Variants in HMGCLL1 observed in about 807,000 individuals in gnomAD.
HMGCLL1 encodes 3-hydroxy-3-methylglutaryl-CoA lyase like 1.
HMGCLL1 carries 36 observed loss-of-function variants against 39.1 expected under a neutral mutation model. The observed-to-expected ratio is 0.92, with a 90% CI of 0.71 to 1.22. The LOEUF (loss-of-function observed/expected upper bound fraction) is 1.22, where lower values mean the gene tolerates loss of function less well. Ranked by LOEUF, HMGCLL1 falls within the 50% of genes most tolerant of loss-of-function variation. The pLI, the probability that HMGCLL1 is intolerant of heterozygous loss-of-function variation, is 0.00. For missense variants in HMGCLL1, 451 were observed against 416.5 expected, an observed-to-expected ratio of 1.08 and a Z score of -0.72; for synonymous variants, 149 against 144.0, an observed-to-expected ratio of 1.03 and a Z score of -0.25.
chr6:55,487,293 T>C (rs546231808), intron 7 of HMGCLL1, among the ~76,000 whole-genome samples: 1 of 152,142 alleles, frequency 6.6e-6, no homozygotes, highest in South Asian at 2.1e-4. Flanking sequence ...TTTGTTGATC[T>C]TGTTTGTTTG....
chr6:55,618,461 TATGA>T, the HMGCLL1 span, among the ~76,000 whole-genome samples: 1 of 152,044 alleles, frequency 6.6e-6, no homozygotes, highest in Non-Finnish European at 1.5e-5. Flanking sequence ...TGTATTTGGA[TATGA>T]ATAATAAACA....
the HMGCLL1 span, among the ~76,000 whole-genome samples, chr6:55,608,354 A>G: frequency 6.6e-6 from 1 of 152,236 alleles, no homozygotes; most frequent in African/African-American, 2.4e-5. Flanking sequence ...TGAATAAGTC[A>G]GTGACTCCAG....
intron 3 of HMGCLL1, among the ~76,000 whole-genome samples, chr6:55,540,820 G>T (rs966432908): frequency 1.3e-5 from 2 of 152,106 alleles, no homozygotes; most frequent in Non-Finnish European, 2.9e-5. Flanking sequence ...GGCAGCACTA[G>T]AAATGCAAAT....
chr6:55,569,642 A>G (rs1581961432), intron 1 of HMGCLL1, among the ~76,000 whole-genome samples: 1 of 152,364 alleles, frequency 6.6e-6, no homozygotes, highest in East Asian at 1.9e-4. Context: ...GGATGTAAAC[A>G]GGGAGTGCCG....
chr6:55,599,098 C>T, the HMGCLL1 span, among the ~76,000 whole-genome samples: 1 of 152,042 alleles, frequency 6.6e-6, no homozygotes, highest in African/African-American at 2.4e-5. Flanking sequence ...AAACATCACA[C>T]ACCAGGGCCT....
intron 1 of HMGCLL1, among the ~76,000 whole-genome samples, chr6:55,553,188 C>CAT (rs1305653498): frequency 3.1e-5 from 4 of 130,334 alleles, no homozygotes; most frequent in Admixed American, 3.0e-4. Context: ...TACACACACA[C>CAT]ACACACACAC....
intron 3 of HMGCLL1, among the ~76,000 whole-genome samples, chr6:55,539,016 C>A (rs1176023319): frequency 6.6e-6 from 1 of 152,100 alleles, no homozygotes; most frequent in Non-Finnish European, 1.5e-5. Flanking sequence ...ATGTTTTAAG[C>A]CTTTCTATCT....
In HMGCLL1 at chr6:55,464,034, A is replaced by G. The variant is rs547013124; in HGVS notation, c.796-24475T>C. 6.8e-4 allele frequency among the ~76,000 whole-genome samples: 103 copies of G among 152,330 alleles called. 2 individuals carry two copies. In the South Asian group the frequency reaches 0.02, roughly 30 times the overall value. On this transcript the variant is annotated intron_variant, in intron 7 of 8. Transcript: ENST00000274901. ...CTTGTTCATACTCTTTGAATTTTAA[A>G]TATTAAATTGGTAAAGGGGCTCTGT...
rs866042100 is a variant in HMGCLL1, at chr6:55,477,269, A to T, written c.795+18150T>A. Among the ~76,000 whole-genome samples, 3 of 14,328 alleles carry T rather than the reference A, an allele frequency of 2.1e-4. No homozygotes were observed. The African/African-American group carries it at 2.6e-3, about 12-fold the overall frequency. 9.4% of individuals were successfully genotyped at this position (14,328 alleles called of 152,430 possible). The stretch of plus-strand genomic sequence containing the variant: ...TATAATATATAATATATATTATATA[A>T]TATATATTATATATTATATATAAAA... On this transcript the variant is annotated intron_variant, in intron 7 of 8. Coordinates refer to ENST00000274901, the MANE Select transcript of HMGCLL1 (RefSeq NM_001042406.2).
intron 1 of HMGCLL1, among the ~76,000 whole-genome samples, chr6:55,569,289 T>C (rs912879245): frequency 4.6e-5 from 7 of 152,118 alleles, no homozygotes; most frequent in African/African-American, 1.7e-4. Context: ...AGAGGAAACA[T>C]GACCCTTTGA....
chr6:55,642,587 C>T, the HMGCLL1 span, among the ~76,000 whole-genome samples: 8 of 151,992 alleles, frequency 5.3e-5, no homozygotes, highest in Admixed American at 3.9e-4. Context: ...AAGCATTTAT[C>T]CTTTGTGTTA....
intron 7 of HMGCLL1, among the ~76,000 whole-genome samples, chr6:55,491,682 AG>A (rs1479160020): frequency 6.6e-6 from 1 of 152,122 alleles, no homozygotes; most frequent in Non-Finnish European, 1.5e-5. Context: ...ACTTGGCAGA[AG>A]GGTGAAGCTA....
intron 7 of HMGCLL1, among the ~76,000 whole-genome samples, chr6:55,477,183 T>A (rs1170137763): frequency 1.1e-4 from 2 of 18,542 alleles, no homozygotes; most frequent in African/African-American, 4.8e-4. Flanking sequence ...TATATTATAT[T>A]TATATATTAT....
chr6:55,457,603 C>T (rs887994967), intron 7 of HMGCLL1, among the ~76,000 whole-genome samples: 1 of 152,168 alleles, frequency 6.6e-6, no homozygotes, highest in African/African-American at 2.4e-5. Flanking sequence ...TTGGGAAACA[C>T]TGAACCAGAG....
At chr6:55,585,852 T>C in the HMGCLL1 span, among the ~76,000 whole-genome samples, 1 of 152,130 alleles carries the variant, frequency 6.6e-6, no homozygotes, top group Non-Finnish European at 1.5e-5. Context: ...GATTAAGATA[T>C]GCCTTCTTGG....
chr6:55,622,308 T>G, the HMGCLL1 span, among the ~76,000 whole-genome samples: 3 of 152,178 alleles, frequency 2.0e-5, no homozygotes, highest in South Asian at 2.1e-4. Flanking sequence ...TAGTACTATG[T>G]TGAATAATTG....
chr6:55,447,472 T>C (rs1323680977), intron 7 of HMGCLL1, among the ~76,000 whole-genome samples: 2 of 152,020 alleles, frequency 1.3e-5, no homozygotes, highest in African/African-American at 4.8e-5. Context: ...TTAAAACTAG[T>C]ATTCCTAAAT....
intron 1 of HMGCLL1, among the ~76,000 whole-genome samples, chr6:55,577,470 A>G (rs1771817106): frequency 6.6e-6 from 1 of 152,276 alleles, no homozygotes; most frequent in Non-Finnish European, 1.5e-5. Flanking sequence ...GGGCCAAAAA[A>G]GTCTTCATTA....
the HMGCLL1 span, among the ~76,000 whole-genome samples, chr6:55,624,703 A>C: frequency 1.3e-5 from 2 of 152,158 alleles, no homozygotes; most frequent in Admixed American, 1.3e-4. Flanking sequence ...ACTAAAATTC[A>C]GGGACTTTCT....
Sources: gnomAD v4.1 joint callset for allele counts (sites outside exome capture counted in the v4.1 genomes callset) on GRCh38, gnomAD v4.1.1 for gene constraint, MANE v1.5 for transcripts, NCBI Gene and HGNC (gene_info 2026-07-23, HGNC 2026-07-21) for gene names.